MGMT: variants seen among roughly 807,000 people sequenced by gnomAD.
MGMT encodes the protein O-6-methylguanine-DNA methyltransferase.
Under a neutral mutation model 15.9 loss-of-function variants are expected in MGMT, and 14 were observed. The observed-to-expected ratio is 0.88, with a 90% CI of 0.58 to 1.37. The LOEUF (loss-of-function observed/expected upper bound fraction) is 1.37. MGMT is among the 40% of genes most tolerant of loss of function. MGMT has a pLI of 0.00. For missense variants in MGMT, 282 were observed against 268.1 expected, an observed-to-expected ratio of 1.05 and a Z score of -0.36; for synonymous variants, 130 against 118.2, an observed-to-expected ratio of 1.10 and a Z score of -0.65.
intron 2 of MGMT, among the ~76,000 whole-genome samples, chr10:129,549,141 T>C (rs1805545082): frequency 6.6e-6 from 1 of 152,232 alleles, no homozygotes; most frequent in South Asian, 2.1e-4. Flanking sequence ...AGACACCGTG[T>C]TGGAATAAGG....
intron 1 of MGMT, among the ~76,000 whole-genome samples, chr10:129,487,992 CACACATAGGTAT>C (rs1489201151): frequency 3.9e-5 from 5 of 129,008 alleles, no homozygotes; most frequent in Admixed American, 1.6e-4. Context: ...CACACACACA[CACACATAGGTAT>C]ACACACACAC....
intron 1 of MGMT, among the ~76,000 whole-genome samples, chr10:129,493,232 G>A (rs535769568): frequency 3.6e-4 from 55 of 152,132 alleles, no homozygotes; most frequent in Non-Finnish European, 7.3e-4. Flanking sequence ...TCTCAAGGCA[G>A]CACCACTCAG....
At chr10:129,474,559 T>C (rs1845268412) in intron 1 of MGMT, among the ~76,000 whole-genome samples, 1 of 152,198 alleles carries the variant, frequency 6.6e-6, no homozygotes, top group Non-Finnish European at 1.5e-5. Flanking sequence ...CTGCCTGGCA[T>C]CTGGGTTCTG....
rs747255994 is a variant in MGMT, at chr10:129,733,494, T to A, written c.274+25451T>A. On this transcript the variant is annotated intron_variant, in intron 3 of 4. Coordinates refer to ENST00000651593, the MANE Select transcript of MGMT (RefSeq NM_002412.5). ...AGATGAGTAGGTTGCGAAAATTTTC[T>A]CCCATTTTGTAGGTTGCCTGTTCAC... 3.1e-3 allele frequency among the ~76,000 whole-genome samples: 458 copies of A among 149,456 alleles called. 3 individuals carry two copies. The highest frequency in any genetic ancestry group is 7.2e-3 in the Middle Eastern group (2 of 278).
intron 2 of MGMT, among the ~76,000 whole-genome samples, chr10:129,683,891 CA>C (rs1847879092): frequency 6.6e-6 from 1 of 152,176 alleles, no homozygotes; most frequent in Non-Finnish European, 1.5e-5. Flanking sequence ...ACTTTGTGCT[CA>C]AAACAGTTGC....
chr10:129,745,012 G>A (rs1848677782), intron 3 of MGMT, among the ~76,000 whole-genome samples: 1 of 152,114 alleles, frequency 6.6e-6, no homozygotes, highest in Non-Finnish European at 1.5e-5. Context: ...GTAGGTGCCT[G>A]GTCCTCCGTG....
In MGMT at chr10:129,698,595, A is replaced by G. The variant is rs867420068; in HGVS notation, c.126-9300A>G. On this transcript the variant is annotated intron_variant, in intron 2 of 4. Transcript: ENST00000651593. ...AAAACGTTAGAAAGCAGCTCTGTTC[A>G]CTGCCGTGGTGGTGGAAGGCATGTG... 3.3e-5 allele frequency among the ~76,000 whole-genome samples: 5 copies of G among 152,332 alleles called. No individual in the cohort carries two copies. The South Asian group carries it at 1.0e-3, about 32-fold the overall frequency.
chr10:129,526,394 A>T (rs568256545), intron 1 of MGMT, among the ~76,000 whole-genome samples: 1 of 152,186 alleles, frequency 6.6e-6, no homozygotes, highest in East Asian at 1.9e-4. Context: ...GCAGTCAGAC[A>T]CGGTCCTCTT....
chr10:129,763,187 C>T (rs555073094), intron 4 of MGMT, among the ~76,000 whole-genome samples: 1 of 152,260 alleles, frequency 6.6e-6, no homozygotes, highest in East Asian at 1.9e-4. Context: ...GATTTCAATG[C>T]AGCTGTGATA....
chr10:129,526,764 C>T (rs972846452), intron 1 of MGMT, among the ~76,000 whole-genome samples: 1 of 152,146 alleles, frequency 6.6e-6, no homozygotes, highest in Non-Finnish European at 1.5e-5. Flanking sequence ...GGTTTTTAGA[C>T]CTGACAGTTT....
At chr10:129,646,752 A>ATTTTTTTTT (rs1180606132) in intron 2 of MGMT, among the ~76,000 whole-genome samples, 2 of 81,890 alleles carry the variant, frequency 2.4e-5, no homozygotes, top group African/African-American at 8.5e-5. Flanking sequence ...ATATATATAT[A>ATTTTTTTTT]TATTTTCAGG....
At chr10:129,528,822 C>T (rs1232708579) in intron 1 of MGMT, among the ~76,000 whole-genome samples, 1 of 152,116 alleles carries the variant, frequency 6.6e-6, no homozygotes, top group African/African-American at 2.4e-5. Flanking sequence ...GGGATGGTGC[C>T]ATCTGACTTT....
chr10:129,563,856 G>A (rs1045066536), intron 2 of MGMT: 2 of 152,248 alleles, frequency 1.3e-5, no homozygotes, highest in Non-Finnish European at 2.9e-5. Flanking sequence ...AACGCACTGC[G>A]TTAATGGCCT....
intron 3 of MGMT, among the ~76,000 whole-genome samples, chr10:129,732,679 G>T (rs1370773550): frequency 6.7e-6 from 1 of 149,196 alleles, no homozygotes. Context: ...CTAGCATTAG[G>T]TATATCTCCC....
chr10:129,625,551 G>A (rs553478163), intron 2 of MGMT, among the ~76,000 whole-genome samples: 2 of 152,146 alleles, frequency 1.3e-5, no homozygotes, highest in African/African-American at 4.8e-5. Context: ...AAAATCAATC[G>A]GTGTAATTCT....
intron 1 of MGMT, 141 bp from the exon 2 acceptor site, chr10:129,536,100 T>G: frequency 1.1e-6 from 1 of 922,262 alleles, no homozygotes; most frequent in Non-Finnish European, 1.6e-6. Context: ...ATTGTGAAAA[T>G]GATGCATCGT....
chr10:129,681,596 T>C (rs1180557775), intron 2 of MGMT, among the ~76,000 whole-genome samples: 2 of 152,196 alleles, frequency 1.3e-5, no homozygotes, highest in South Asian at 2.1e-4. Flanking sequence ...CATTGACCTT[T>C]GAACAACACA....
intron 1 of MGMT, among the ~76,000 whole-genome samples, chr10:129,473,054 C>T (rs1845250407): frequency 6.6e-6 from 1 of 152,158 alleles, no homozygotes; most frequent in Non-Finnish European, 1.5e-5. Context: ...TTGGCAGTTG[C>T]TGATAGCCCG....
chr10:129,749,215 A>G (rs1035858899), intron 3 of MGMT, among the ~76,000 whole-genome samples: 4 of 152,160 alleles, frequency 2.6e-5, no homozygotes, highest in Non-Finnish European at 4.4e-5. Context: ...GTATGATATC[A>G]TGTTTTCACC....
Sources: allele counts gnomAD v4.1 joint callset (sites outside exome capture counted in the v4.1 genomes callset), GRCh38; gene constraint gnomAD v4.1.1; transcripts MANE v1.5; gene names NCBI Gene and HGNC (gene_info 2026-07-23, HGNC 2026-07-21).